TNS3: variants seen among roughly 807,000 people sequenced by gnomAD.
TNS3 encodes the protein tensin-3.
Under a neutral mutation model 140.9 loss-of-function variants are expected in TNS3, and 45 were observed. The observed-to-expected ratio is 0.32, with a 90% CI of 0.25 to 0.41. The LOEUF (loss-of-function observed/expected upper bound fraction) is 0.41, where lower values mean the gene tolerates loss of function less well. Ranked by LOEUF, TNS3 falls within the 10% of genes least tolerant of loss-of-function variation. The pLI, the probability that TNS3 is intolerant of heterozygous loss-of-function variation, is 1.00. For synonymous variants in TNS3, 815 were observed against 788.4 expected, an observed-to-expected ratio of 1.03 and a Z score of -0.56; for missense variants, 1,716 against 1,906.7, an observed-to-expected ratio of 0.90 and a Z score of 1.86.
At chr7:47,360,049 A>T (rs548183810) in intron 17 of TNS3, among the ~76,000 whole-genome samples, 1 of 152,358 alleles carries the variant, frequency 6.6e-6, no homozygotes, top group South Asian at 2.1e-4. Context: ...ATCTGGGGCA[A>T]ATGGAAAGCT....
At chr7:47,381,022 T>C (rs1791724675) in intron 16 of TNS3, among the ~76,000 whole-genome samples, 1 of 152,052 alleles carries the variant, frequency 6.6e-6, no homozygotes, top group Admixed American at 6.5e-5. Flanking sequence ...GCAATGTAAA[T>C]AAGAGGGTGG....
chr7:47,400,249 T>A lies in TNS3; in HGVS notation c.919+144A>T, dbSNP rs1011770576. On this transcript the variant is annotated intron_variant, in intron 15 of 30. Coordinates refer to ENST00000311160, the MANE Select transcript of TNS3 (RefSeq NM_022748.12). ...TGGGCCTTCTTGTTCCACTATCCAA[T>A]ATCCTACATTTAAATAAAATTAATC... 3.3e-5 allele frequency: 24 copies of A among 727,686 alleles called. No homozygotes were observed. In the South Asian group the frequency reaches 4.6e-4, roughly 14 times the overall value. The allele number at this position is 727,686 out of a possible 1,614,324, so 45.1% of individuals were successfully genotyped here.
At chr7:47,426,708 T>TA (rs1484416805) in intron 9 of TNS3, among the ~76,000 whole-genome samples, 17 of 151,942 alleles carry the variant, frequency 1.1e-4, no homozygotes, top group African/African-American at 4.1e-4. Context: ...GAAAACAGAG[T>TA]TTGTACCAAG....
At chr7:47,440,688 G>A (rs1795423369) in intron 5 of TNS3, among the ~76,000 whole-genome samples, 1 of 152,158 alleles carries the variant, frequency 6.6e-6, no homozygotes, top group African/African-American at 2.4e-5. Flanking sequence ...ATGGCTGAGG[G>A]TGGTATCCAG....
In TNS3 at chr7:47,303,504, C is replaced by A; in HGVS notation, c.2903G>T (p.Gly968Val). The stretch of plus-strand genomic sequence containing the variant: ...GGAGAACTCAGCGCTGAGGGGACTT[C>A]CGGTGGGCCGGCCGCTCCCCAGCAG... ...VSLLGSGRPT[G>V]SPLSAEFSGT... The change falls in exon 22 of 31, where the codon GGA (glycine) becomes GTA (valine). Residue 968 changes from glycine to valine, a missense_variant. By Grantham distance (109) the Gly-to-Val change is moderately radical. Coordinates refer to ENST00000311160, the MANE Select transcript of TNS3 (RefSeq NM_022748.12). 6.2e-7 allele frequency: 1 copy of A among 1,609,040 alleles called. No individual in the cohort carries two copies. The highest frequency in any genetic ancestry group is 8.5e-7 in the Non-Finnish European group (1 of 1,179,746).
chr7:47,358,011 A>G (rs1790094455), intron 17 of TNS3, among the ~76,000 whole-genome samples: 2 of 152,086 alleles, frequency 1.3e-5, no homozygotes, highest in African/African-American at 2.4e-5. Context: ...TGCCTCACAC[A>G]CTGCCCCGCC....
At chr7:47,458,992 G>C (rs1275215930) in intron 4 of TNS3, among the ~76,000 whole-genome samples, 1 of 151,992 alleles carries the variant, frequency 6.6e-6, no homozygotes, top group Admixed American at 6.6e-5. Flanking sequence ...AATAAGTACG[G>C]GCGACTTTCT....
At chr7:47,574,970 G>C (rs1315070962) in intron 1 of TNS3, among the ~76,000 whole-genome samples, 1 of 152,104 alleles carries the variant, frequency 6.6e-6, no homozygotes, top group Non-Finnish European at 1.5e-5. Context: ...GGTTCTTAAT[G>C]TCGCCTAACT....
chr7:47,574,901 G>C (rs1338912327), intron 1 of TNS3, among the ~76,000 whole-genome samples: 2 of 152,158 alleles, frequency 1.3e-5, no homozygotes, highest in Admixed American at 1.3e-4. Flanking sequence ...CCGAGTTTCA[G>C]TTCTGCAAAA....
At chr7:47,574,242 C>CTT (rs570898349) in intron 1 of TNS3, among the ~76,000 whole-genome samples, 105 of 149,452 alleles carry the variant, frequency 7.0e-4, no homozygotes, top group African/African-American at 2.4e-3. Flanking sequence ...CCCGAAGGCT[C>CTT]TTTTTTTTTT....
chr7:47,400,543 G>A (rs1793094130), intron 14 of TNS3, 85 bp from the exon 15 acceptor site: 3 of 1,390,466 alleles, frequency 2.2e-6, no homozygotes, highest in Non-Finnish European at 3.0e-6. Context: ...ATTCCAACCA[G>A]TACAGCACCA....
At chr7:47,331,782 T>C (rs1350426666) in intron 20 of TNS3, among the ~76,000 whole-genome samples, 2 of 152,196 alleles carry the variant, frequency 1.3e-5, no homozygotes, top group African/African-American at 4.8e-5. Context: ...CATAAATACC[T>C]GCACACATAA....
At chr7:47,334,142 G>A (rs1788488869) in intron 20 of TNS3, among the ~76,000 whole-genome samples, 1 of 152,018 alleles carries the variant, frequency 6.6e-6, no homozygotes, top group Admixed American at 6.6e-5. Context: ...AGCCAATGAG[G>A]ACCACTTCAC....
intron 17 of TNS3, among the ~76,000 whole-genome samples, chr7:47,356,149 A>G (rs1428303634): frequency 6.6e-6 from 1 of 152,192 alleles, no homozygotes; most frequent in Non-Finnish European, 1.5e-5. Flanking sequence ...TCAATGAGCC[A>G]AGGGCCAGCT....
At chr7:47,323,606 T>C (rs987219865) in intron 20 of TNS3, among the ~76,000 whole-genome samples, 7 of 152,222 alleles carry the variant, frequency 4.6e-5, no homozygotes, top group Admixed American at 3.9e-4. Flanking sequence ...CTTTTTATAG[T>C]TGGAGCAACT....
intron 21 of TNS3, among the ~76,000 whole-genome samples, chr7:47,303,954 A>T (rs1195344544): frequency 1.3e-5 from 2 of 152,164 alleles, no homozygotes; most frequent in African/African-American, 4.8e-5. Flanking sequence ...ACCCACTGGG[A>T]AGCCTTTTCC....
At chr7:47,398,988 A>T (rs1326036866) in intron 15 of TNS3, among the ~76,000 whole-genome samples, 1 of 152,080 alleles carries the variant, frequency 6.6e-6, no homozygotes, top group Non-Finnish European at 1.5e-5. Context: ...TCAGGTTTCA[A>T]AATCAATGTA....
chr7:47,446,688 CTTTTTTTTTTT>C lies in TNS3; in HGVS notation c.-75-4644_-75-4634del, dbSNP rs144042398. On this transcript the variant is annotated intron_variant, in intron 4 of 30. Coordinates refer to ENST00000311160, the MANE Select transcript of TNS3 (RefSeq NM_022748.12). The stretch of plus-strand genomic sequence containing the variant: ...CAAAGACCGCCCTGTTCCAGGCTGC[CTTTTTTTTTTT>C]TTTTTTTTTTTTTTGAGTCTCACTG... Among the ~76,000 whole-genome samples the C allele has an allele frequency of 1.9e-3, 181 of 96,738 alleles. 2 individuals are homozygous for C. Among genetic ancestry groups the C allele is most frequent in the African/African-American group, 7.6e-3 (168 of 22,056 alleles). 63.5% of individuals were successfully genotyped at this position (96,738 alleles called of 152,430 possible). A position where few individuals can be genotyped will look rare whatever the true frequency, so the allele number is the denominator to read the frequency against.
intron 3 of TNS3, among the ~76,000 whole-genome samples, chr7:47,486,362 G>C (rs948450994): frequency 1.3e-5 from 2 of 151,998 alleles, no homozygotes; most frequent in African/African-American, 4.8e-5. Context: ...ATTGATGTGA[G>C]AGCGTGTCTG....
Sources: allele counts gnomAD v4.1 joint callset (sites outside exome capture counted in the v4.1 genomes callset), GRCh38; gene constraint gnomAD v4.1.1; transcripts MANE v1.5; gene names NCBI Gene and HGNC (gene_info 2026-07-23, HGNC 2026-07-21).